The following CD1B variants were observed in gnomAD, a reference collection of about 807,000 sequenced individuals.
CD1B encodes CD1b molecule.
CD1B carries 43 observed loss-of-function variants against 39.8 expected under a neutral mutation model. That is an observed-to-expected ratio of 1.08 (90% CI 0.85 to 1.39). The LOEUF is 1.39. Among genes scored for constraint, CD1B ranks in the 40% most tolerant of loss-of-function variants. The pLI is 0.00. For missense variants in CD1B, 495 were observed against 403.8 expected (o/e 1.23, Z -1.94); for synonymous variants, 192 against 152.5 (o/e 1.26, Z -1.91).
the CD1B span, among the ~76,000 whole-genome samples, chr1:158,300,829 G>A: frequency 6.8e-6 from 1 of 147,212 alleles, no homozygotes; most frequent in Admixed American, 6.9e-5. Flanking sequence ...TGCGATCTCA[G>A]CTCACTGCAA....
chr1:158,329,826 G>T, intron 3 of CD1B, 26 bp downstream of exon 3: 1 of 1,599,250 alleles, frequency 6.3e-7, no homozygotes, highest in Non-Finnish European at 8.5e-7. Flanking sequence ...GGAGGTGGTG[G>T]GAAGTGAAAT....
Position 158,329,901 on chromosome 1 carries a change from T to A in CD1B, c.558A>T (p.Arg186=), listed in dbSNP as rs1471088403. The part of the protein sequence containing the change: ...VRILLYETCP[R]YLLGVLNAGK... ...CTGCATTGAGGACGCCCAAGAGATA[T>A]CGGGGGCAGGTTTCATAGAGGAGAA... is the stretch of plus-strand genomic sequence containing the variant. Residue 186 remains arginine (R), a synonymous_variant, in exon 3 of 6, where the codon CGA becomes CGT. Transcript: ENST00000368168. 5.0e-6 allele frequency: 8 copies of A among 1,613,968 alleles called. No individual in the cohort carries two copies. Among genetic ancestry groups the A allele is most frequent in the Non-Finnish European group, 6.8e-6 (8 of 1,180,016 alleles).
At chr1:158,300,760 CT>C in the CD1B span, among the ~76,000 whole-genome samples, 5,060 of 134,506 alleles carry the variant, frequency 0.038, 175 homozygotes, top group African/African-American at 0.13. Context: ...CTCTCTCTCT[CT>C]TTTTTTTTTT....
At chr1:158,326,884 C>G (rs1043124520), downstream of CD1B, among the ~76,000 whole-genome samples, 2 of 152,126 alleles carry the variant, frequency 1.3e-5, no homozygotes, top group African/African-American at 4.8e-5. Context: ...GCAACCTCCA[C>G]TTGCTGGGTT....
At chr1:158,303,236 C>T in the CD1B span, among the ~76,000 whole-genome samples, 1 of 152,196 alleles carries the variant, frequency 6.6e-6, no homozygotes, top group African/African-American at 2.4e-5. Context: ...CACATCTCTT[C>T]AGGTTAAAAA....
chr1:158,321,330 G>A, the CD1B span, among the ~76,000 whole-genome samples: 1 of 151,922 alleles, frequency 6.6e-6, no homozygotes, highest in South Asian at 2.1e-4. Flanking sequence ...AGCTACTTCT[G>A]CTCCATTTTG....
At position 158,331,467 on chromosome 1, in the gene CD1B, A is replaced by G; in HGVS notation, c.-44T>C. 1.3e-6 allele frequency: 2 copies of G among 1,535,452 alleles called. No individual in the cohort carries two copies. The highest frequency in any genetic ancestry group is 1.1e-5 in the South Asian group (1 of 88,540). The stretch of plus-strand genomic sequence containing the variant: ...TTCTTACTGGCAGAGCTGGTATTTG[A>G]TCTCCAATTTCAGCAAAGCTTTTCC... On this transcript the variant is annotated 5_prime_UTR_variant, in exon 1 of 6. Coordinates refer to ENST00000368168, the MANE Select transcript of CD1B (RefSeq NM_001764.3).
the CD1B span, among the ~76,000 whole-genome samples, chr1:158,297,695 G>A: frequency 7.9e-5 from 12 of 152,250 alleles, no homozygotes; most frequent in African/African-American, 2.9e-4. Flanking sequence ...AACACTTTGA[G>A]GCTAAGGCAG....
At chr1:158,293,564 C>G in the CD1B span, 2 of 1,613,840 alleles carry the variant, frequency 1.2e-6, no homozygotes, top group Middle Eastern at 1.6e-4. Flanking sequence ...CGTCGACTCT[C>G]CATTTAAATT....
chr1:158,297,417 C>T, the CD1B span, among the ~76,000 whole-genome samples: 1 of 152,100 alleles, frequency 6.6e-6, no homozygotes, highest in Non-Finnish European at 1.5e-5. Context: ...ACCACCAGAC[C>T]TGCCTTATAA....
At position 158,331,022 on chromosome 1, in the gene CD1B, C is replaced by A. The variant is rs766071899; in HGVS notation, c.102G>T (p.Ser34=). 1.2e-6 allele frequency: 2 copies of A among 1,613,832 alleles called. No homozygotes were observed. Among genetic ancestry groups the A allele is most frequent in the South Asian group, 2.2e-5 (2 of 91,034 alleles). Residue 34 remains serine, a synonymous_variant, in exon 2 of 6, where the codon TCG becomes TCT. Coordinates refer to ENST00000368168, the MANE Select transcript of CD1B (RefSeq NM_001764.3). ...GPTSFHVIQT[S]SFTNSTWAQT... is the part of the protein sequence containing the mutation. ...GTGCCCAGGTACTATTGGTAAAGGA[C>A]GAGGTCTGGATAACATGAAAGGAGG... is the stretch of plus-strand genomic sequence containing the variant.
At chr1:158,300,828 A>T in the CD1B span, among the ~76,000 whole-genome samples, 1 of 143,662 alleles carries the variant, frequency 7.0e-6, no homozygotes, top group Non-Finnish European at 1.5e-5. Context: ...GTGCGATCTC[A>T]GCTCACTGCA....
At chr1:158,288,898 G>T in the CD1B span, among the ~76,000 whole-genome samples, 2 of 152,166 alleles carry the variant, frequency 1.3e-5, no homozygotes, top group African/African-American at 2.4e-5. Context: ...GACAAATGCT[G>T]CCCTTTTTAT....
the CD1B span, among the ~76,000 whole-genome samples, chr1:158,309,936 C>CT: frequency 1.3e-5 from 2 of 151,626 alleles, no homozygotes; most frequent in Non-Finnish European, 2.9e-5. Flanking sequence ...ACATATGTAA[C>CT]TAACCTGCAC....
chr1:158,318,985 A>G, the CD1B span, among the ~76,000 whole-genome samples: 4,532 of 152,086 alleles, frequency 0.03, 220 homozygotes, highest in African/African-American at 0.1. Flanking sequence ...AATGTTGAAT[A>G]TTGGCCCCCA....
the CD1B span, among the ~76,000 whole-genome samples, chr1:158,297,046 C>T: frequency 6.6e-6 from 1 of 152,120 alleles, no homozygotes; most frequent in Non-Finnish European, 1.5e-5. Context: ...TTGTCCATGA[C>T]AATTTTCTCA....
At chr1:158,320,133 G>C in the CD1B span, among the ~76,000 whole-genome samples, 2 of 152,242 alleles carry the variant, frequency 1.3e-5, no homozygotes, top group Non-Finnish European at 2.9e-5. Flanking sequence ...CCTGCCCCCA[G>C]AGGTGGAGCC....
the CD1B span, among the ~76,000 whole-genome samples, chr1:158,295,787 C>T: frequency 1.3e-5 from 2 of 151,302 alleles, no homozygotes; most frequent in Non-Finnish European, 2.9e-5. Context: ...AGACCACTGC[C>T]ATAGGTCTTT....
downstream of CD1B, among the ~76,000 whole-genome samples, chr1:158,326,252 G>A (rs867198133): frequency 1.3e-5 from 2 of 152,118 alleles, no homozygotes; most frequent in Non-Finnish European, 2.9e-5. Context: ...GATTACAGGC[G>A]TGAGCCACCA....
Sources: allele counts gnomAD v4.1 joint callset (sites outside exome capture counted in the v4.1 genomes callset), GRCh38; gene constraint gnomAD v4.1.1; transcripts MANE v1.5; gene names NCBI Gene and HGNC (gene_info 2026-07-23, HGNC 2026-07-21).